Variants in FCHSD2 observed in about 807,000 individuals in gnomAD.
FCHSD2 encodes F-BAR and double SH3 domains protein 2.
A neutral mutation model predicts 108.1 loss-of-function variants in FCHSD2; 38 were observed. The ratio of observed to expected loss-of-function variants is 0.35; its 90% CI spans 0.27 to 0.46. FCHSD2 has a LOEUF of 0.46. Among genes scored for constraint, FCHSD2 ranks in the 20% least tolerant of loss-of-function variants. The pLI is 1.00. For synonymous variants in FCHSD2, 279 were observed against 314.7 expected (o/e 0.89, Z 1.20); for missense variants, 751 against 897.8 (o/e 0.84, Z 2.09).
At chr11:73,039,151 A>C (rs1858569982) in intron 3 of FCHSD2, among the ~76,000 whole-genome samples, 1 of 152,192 alleles carries the variant, frequency 6.6e-6, no homozygotes, top group African/African-American at 2.4e-5. Context: ...TATTCCTAAG[A>C]GTCTAGTTCA....
At chr11:72,853,881 CA>C (rs1861357749) in intron 13 of FCHSD2, among the ~76,000 whole-genome samples, 1 of 152,024 alleles carries the variant, frequency 6.6e-6, no homozygotes, top group African/African-American at 2.4e-5. Context: ...CCATCAACAA[CA>C]AATAATCCAA....
At chr11:73,118,552 G>A (rs1860658180) in intron 2 of FCHSD2, among the ~76,000 whole-genome samples, 4 of 152,170 alleles carry the variant, frequency 2.6e-5, no homozygotes. Flanking sequence ...GAATGTTTCT[G>A]AGATTCACCC....
intron 5 of FCHSD2, among the ~76,000 whole-genome samples, chr11:72,998,509 C>G (rs1857562414): frequency 6.6e-6 from 1 of 152,000 alleles, no homozygotes; most frequent in African/African-American, 2.4e-5. Context: ...CCACTGCACT[C>G]CAGCCTGGGT....
intron 3 of FCHSD2, among the ~76,000 whole-genome samples, chr11:73,055,365 A>C (rs1412957832): frequency 6.6e-6 from 1 of 152,156 alleles, no homozygotes; most frequent in Non-Finnish European, 1.5e-5. Context: ...AAATTCTGAT[A>C]AAGAAACACT....
At chr11:72,945,937 C>T (rs2135348694) in intron 8 of FCHSD2, among the ~76,000 whole-genome samples, 2 of 152,292 alleles carry the variant, frequency 1.3e-5, no homozygotes, top group Admixed American at 1.3e-4. Context: ...AACACTTTTA[C>T]ACTGTTGGTG....
chr11:72,945,618 C>T (rs1856503675), intron 8 of FCHSD2, among the ~76,000 whole-genome samples: 1 of 152,132 alleles, frequency 6.6e-6, no homozygotes, highest in Non-Finnish European at 1.5e-5. Context: ...AGGCAACCTA[C>T]AGAATGGGAG....
intron 13 of FCHSD2, among the ~76,000 whole-genome samples, chr11:72,862,641 AT>A (rs1297162659): frequency 1.3e-5 from 2 of 152,342 alleles, no homozygotes; most frequent in Non-Finnish European, 2.9e-5. Context: ...TATTGTTAAC[AT>A]GGCAATGTTA....
At chr11:72,934,409 C>A (rs973021909) in intron 8 of FCHSD2, among the ~76,000 whole-genome samples, 1 of 150,836 alleles carries the variant, frequency 6.6e-6, no homozygotes, top group Non-Finnish European at 1.5e-5. Context: ...CGGCTCACTG[C>A]AACCTCCACC....
intron 3 of FCHSD2, among the ~76,000 whole-genome samples, chr11:73,043,182 TGTGC>T (rs1396100091): frequency 1.3e-5 from 2 of 152,240 alleles, no homozygotes; most frequent in Admixed American, 6.5e-5. Context: ...TGATGTTAGC[TGTGC>T]GTCTGTCATA....
At chr11:72,997,422 T>G (rs1820662771) in intron 5 of FCHSD2, among the ~76,000 whole-genome samples, 1 of 152,178 alleles carries the variant, frequency 6.6e-6, no homozygotes, top group South Asian at 2.1e-4. Flanking sequence ...AAATAACATC[T>G]TCCCAGAGCC....
At chr11:73,133,047 A>T (rs1861040378) in intron 2 of FCHSD2, among the ~76,000 whole-genome samples, 1 of 152,208 alleles carries the variant, frequency 6.6e-6, no homozygotes, top group African/African-American at 2.4e-5. Flanking sequence ...AGAAAAATGC[A>T]CGTCAAAGCC....
intron 9 of FCHSD2, among the ~76,000 whole-genome samples, chr11:72,902,963 G>A (rs1855557005): frequency 1.3e-5 from 2 of 152,146 alleles, no homozygotes; most frequent in African/African-American, 4.8e-5. Flanking sequence ...AGAATAGTGT[G>A]CAGATAAGGA....
chr11:73,099,887 G>C (rs1860177119), intron 2 of FCHSD2, among the ~76,000 whole-genome samples: 1 of 152,174 alleles, frequency 6.6e-6, no homozygotes, highest in African/African-American at 2.4e-5. Context: ...CACTCCGAGG[G>C]GACTTTCGGC....
intron 2 of FCHSD2, among the ~76,000 whole-genome samples, chr11:73,106,051 A>G (rs571228015): frequency 4.6e-4 from 70 of 152,366 alleles, no homozygotes; most frequent in African/African-American, 1.7e-3. Context: ...GATGAACTTT[A>G]GAAATTATGT....
intron 12 of FCHSD2, among the ~76,000 whole-genome samples, chr11:72,883,126 C>T (rs1417696737): frequency 6.6e-6 from 1 of 152,050 alleles, no homozygotes; most frequent in Non-Finnish European, 1.5e-5. Context: ...AAAACAACAA[C>T]AAAAAAACCA....
At chr11:72,855,091 T>C (rs1163278969) in intron 13 of FCHSD2, among the ~76,000 whole-genome samples, 1 of 152,146 alleles carries the variant, frequency 6.6e-6, no homozygotes, top group African/African-American at 2.4e-5. Context: ...CTGACCAACA[T>C]GGAGAAACCC....
chr11:72,950,369 C>T (rs1393989815), intron 8 of FCHSD2, among the ~76,000 whole-genome samples: 29 of 151,866 alleles, frequency 1.9e-4, no homozygotes, highest in Admixed American at 1.9e-3. Flanking sequence ...TCTTTGGTTG[C>T]TTGTGTTTTT....
At chr11:73,065,993 G>A (rs1399564385) in intron 3 of FCHSD2, among the ~76,000 whole-genome samples, 1 of 151,958 alleles carries the variant, frequency 6.6e-6, no homozygotes, top group Non-Finnish European at 1.5e-5. Flanking sequence ...CACAGAATTG[G>A]AAAAAAACTA....
chr11:72,854,564 C>T (rs567904713), intron 13 of FCHSD2, among the ~76,000 whole-genome samples: 99 of 152,194 alleles, frequency 6.5e-4, no homozygotes, highest in African/African-American at 2.3e-3. Flanking sequence ...CCCGAGTAGC[C>T]GGGACTACAG....
Sources: allele counts gnomAD v4.1 joint callset (sites outside exome capture counted in the v4.1 genomes callset), GRCh38; gene constraint gnomAD v4.1.1; transcripts MANE v1.5; gene names NCBI Gene and HGNC (gene_info 2026-07-23, HGNC 2026-07-21).